Variants in MAGI2 observed in about 807,000 individuals in gnomAD.
MAGI2 encodes membrane-associated guanylate kinase, WW and PDZ domain-containing protein 2.
Under a neutral mutation model 133.3 loss-of-function variants are expected in MAGI2, and 35 were observed. The observed-to-expected ratio is 0.26, with a 90% confidence interval of 0.20 to 0.35. The LOEUF (loss-of-function observed/expected upper bound fraction) is 0.35, where lower values mean the gene tolerates loss of function less well. Among genes scored for constraint, MAGI2 ranks in the 10% least tolerant of loss-of-function variants. The pLI is 1.00. For missense variants in MAGI2, 1,636 were observed against 1,863.4 expected, an observed-to-expected ratio of 0.88 and a Z score of 2.25; for synonymous variants, 729 against 710.6, an observed-to-expected ratio of 1.03 and a Z score of -0.41.
At chr7:78,048,075 A>AGTGCCAAAGTAAGTGCCTT (rs1238619615) in intron 21 of MAGI2, among the ~76,000 whole-genome samples, 1 of 152,214 alleles carries the variant, frequency 6.6e-6, no homozygotes, top group Non-Finnish European at 1.5e-5. Flanking sequence ...CATTCCTAAC[A>AGTGCCAAAGTAAGTGCCTT]GTGCCAAAGT....
intron 1 of MAGI2, among the ~76,000 whole-genome samples, chr7:79,334,897 A>G (rs370880577): frequency 3.3e-5 from 5 of 152,286 alleles, no homozygotes; most frequent in African/African-American, 9.6e-5. Flanking sequence ...TATGACATGT[A>G]TCATTATAAA....
chr7:78,974,534 T>A (rs1283370084), intron 2 of MAGI2, among the ~76,000 whole-genome samples: 2 of 151,944 alleles, frequency 1.3e-5, no homozygotes, highest in Non-Finnish European at 2.9e-5. Flanking sequence ...ATAAATCATA[T>A]GTCATGTAGA....
intron 14 of MAGI2, among the ~76,000 whole-genome samples, chr7:78,173,191 C>G (rs1281428285): frequency 6.6e-6 from 1 of 152,154 alleles, no homozygotes; most frequent in Non-Finnish European, 1.5e-5. Flanking sequence ...TGATAGGAAC[C>G]TGGGAACTTG....
chr7:79,051,486 A>T (rs1315905445), intron 1 of MAGI2, among the ~76,000 whole-genome samples: 1 of 152,224 alleles, frequency 6.6e-6, no homozygotes, highest in Non-Finnish European at 1.5e-5. Flanking sequence ...AAACTATTTG[A>T]AAAACAATGT....
At chr7:79,099,588 T>C (rs1003733877) in intron 1 of MAGI2, among the ~76,000 whole-genome samples, 3 of 152,152 alleles carry the variant, frequency 2.0e-5, no homozygotes, top group East Asian at 3.9e-4. Flanking sequence ...GTAATAAACA[T>C]AGTACCCAAT....
At chr7:78,359,215 T>G (rs1011608946) in intron 7 of MAGI2, 1 of 152,216 alleles carries the variant, frequency 6.6e-6, no homozygotes, top group Non-Finnish European at 1.5e-5. Flanking sequence ...GGAACATTAA[T>G]TGGAGGGAGC....
chr7:78,238,964 C>T (rs1254777588), intron 10 of MAGI2, among the ~76,000 whole-genome samples: 1 of 152,102 alleles, frequency 6.6e-6, no homozygotes, highest in Non-Finnish European at 1.5e-5. Flanking sequence ...TAGCTTTAGC[C>T]AACTTAGCTC....
intron 2 of MAGI2, among the ~76,000 whole-genome samples, chr7:78,678,893 A>G (rs1284320287): frequency 6.6e-6 from 1 of 152,176 alleles, no homozygotes; most frequent in Non-Finnish European, 1.5e-5. Context: ...CAAAAAACAA[A>G]AAGAAAGTAA....
At chr7:78,283,536 T>C (rs889479832) in intron 9 of MAGI2, among the ~76,000 whole-genome samples, 1 of 152,154 alleles carries the variant, frequency 6.6e-6, no homozygotes, top group Non-Finnish European at 1.5e-5. Context: ...ACCTGACCAT[T>C]GTTTTTAAAT....
chr7:79,423,049 T>C (rs1008226943), intron 1 of MAGI2, among the ~76,000 whole-genome samples: 2 of 152,058 alleles, frequency 1.3e-5, no homozygotes, highest in African/African-American at 2.4e-5. Flanking sequence ...TTGCGTTACA[T>C]GGCTGCCCAA....
chr7:78,984,585 A>G (rs1047091950), intron 2 of MAGI2, among the ~76,000 whole-genome samples: 2 of 151,920 alleles, frequency 1.3e-5, no homozygotes, highest in African/African-American at 4.8e-5. Flanking sequence ...GCCTTCAGAT[A>G]TAATCACAGC....
rs1817869436 is a variant in MAGI2, at chr7:79,100,337, T to C, written c.302-93131A>G. 2.0e-5 allele frequency among the ~76,000 whole-genome samples: 3 copies of C among 152,190 alleles called. No homozygotes were observed. In the South Asian group the frequency reaches 6.2e-4, roughly 32 times the overall value. The stretch of plus-strand genomic sequence containing the variant: ...GAGAGAATGTCTGTTTCATTCCACT[T>C]TCCAAACACTGATATATCTGTGATA... On this transcript the variant is annotated intron_variant, in intron 1 of 21. Coordinates refer to ENST00000354212, the MANE Select transcript of MAGI2 (RefSeq NM_012301.4).
intron 21 of MAGI2, among the ~76,000 whole-genome samples, chr7:78,023,537 C>A (rs1808621453): frequency 6.6e-6 from 1 of 152,290 alleles, no homozygotes; most frequent in South Asian, 2.1e-4. Context: ...ATAATAGAGA[C>A]CCATCCTAGA....
At chr7:78,375,039 C>T (rs139138140) in intron 6 of MAGI2, among the ~76,000 whole-genome samples, 52 of 152,028 alleles carry the variant, frequency 3.4e-4, no homozygotes, top group African/African-American at 1.2e-3. Flanking sequence ...GATGGGGTTG[C>T]ACCATGTTGG....
intron 1 of MAGI2, among the ~76,000 whole-genome samples, chr7:79,101,437 A>G (rs2129543221): frequency 6.6e-6 from 1 of 152,290 alleles, no homozygotes; most frequent in East Asian, 1.9e-4. Flanking sequence ...AGAAAAAGGA[A>G]AATGGGGCCG....
At chr7:79,444,685 C>T (rs1427276290) in intron 1 of MAGI2, among the ~76,000 whole-genome samples, 2 of 152,036 alleles carry the variant, frequency 1.3e-5, no homozygotes, top group Non-Finnish European at 1.5e-5. Flanking sequence ...AATGGAAGAA[C>T]ATTCCATGCT....
At chr7:78,314,291 C>T (rs2151102851) in intron 9 of MAGI2, among the ~76,000 whole-genome samples, 1 of 152,096 alleles carries the variant, frequency 6.6e-6, no homozygotes, top group Non-Finnish European at 1.5e-5. Context: ...TTATTAATGC[C>T]TCTTTATTGC....
intron 1 of MAGI2, among the ~76,000 whole-genome samples, chr7:79,241,203 G>A (rs1832386064): frequency 6.6e-6 from 1 of 152,118 alleles, no homozygotes; most frequent in Admixed American, 6.6e-5. Flanking sequence ...TGTTCTAATA[G>A]CATTTAAGAT....
intron 1 of MAGI2, among the ~76,000 whole-genome samples, chr7:79,110,737 A>G (rs1368373956): frequency 6.6e-6 from 1 of 152,086 alleles, no homozygotes; most frequent in Non-Finnish European, 1.5e-5. Flanking sequence ...CCAGGGGTGT[A>G]ATAATATAGT....
Sources: gnomAD v4.1 joint callset for allele counts (sites outside exome capture counted in the v4.1 genomes callset) on GRCh38, gnomAD v4.1.1 for gene constraint, MANE v1.5 for transcripts, NCBI Gene and HGNC (gene_info 2026-07-23, HGNC 2026-07-21) for gene names.